The following NBAS variants were observed in gnomAD, a reference collection of about 807,000 sequenced individuals.
The protein encoded by NBAS is NAG/BC035112 fusion.
Under a neutral mutation model 302.5 loss-of-function variants are expected in NBAS, and 219 were observed. The ratio of observed to expected loss-of-function variants is 0.72; its 90% CI spans 0.65 to 0.81. NBAS has a LOEUF of 0.81. Among genes scored for constraint, NBAS ranks in the 30% least tolerant of loss-of-function variants. The pLI, the probability that NBAS is intolerant of heterozygous loss-of-function variation, is 0.00. For missense variants in NBAS, 2,932 were observed against 2,841.6 expected (o/e 1.03, Z -0.72); for synonymous variants, 1,118 against 1,021.6 (o/e 1.09, Z -1.80).
intron 42 of NBAS, among the ~76,000 whole-genome samples, chr2:15,280,376 G>C (rs778850887): frequency 1.7e-4 from 26 of 152,064 alleles, no homozygotes; most frequent in Non-Finnish European, 3.2e-4. Context: ...AGGTGAATGG[G>C]AGAAGGGAGA....
At chr2:14,782,112 A>G in the NBAS span, among the ~76,000 whole-genome samples, 1 of 152,080 alleles carries the variant, frequency 6.6e-6, no homozygotes, top group Non-Finnish European at 1.5e-5. Context: ...TTACCTTTCA[A>G]ACCCAGGTTA....
intron 26 of NBAS, among the ~76,000 whole-genome samples, chr2:15,401,370 AAAAAGG>A (rs1303858142): frequency 4.0e-5 from 6 of 151,784 alleles, no homozygotes; most frequent in African/African-American, 1.5e-4. Context: ...TCCTTAAAAG[AAAAAGG>A]AAAAGAGAGA....
chr2:15,189,548 C>T (rs1296522040), intron 49 of NBAS, among the ~76,000 whole-genome samples: 2 of 142,332 alleles, frequency 1.4e-5, no homozygotes, highest in African/African-American at 2.7e-5. Context: ...CAATGAGAAG[C>T]CACAGCTCAT....
the NBAS span, among the ~76,000 whole-genome samples, chr2:14,802,890 G>A: frequency 7.5e-3 from 712 of 94,962 alleles, 11 homozygotes; most frequent in African/African-American, 0.032. Context: ...GGACTGTGGT[G>A]GAGTGGGGGG....
At chr2:15,099,930 TG>T in the NBAS span, among the ~76,000 whole-genome samples, 2 of 152,168 alleles carry the variant, frequency 1.3e-5, no homozygotes, top group African/African-American at 4.8e-5. Flanking sequence ...AAAATTTCAG[TG>T]GGGAAATCTA....
At chr2:14,962,676 T>C in the NBAS span, among the ~76,000 whole-genome samples, 6 of 152,270 alleles carry the variant, frequency 3.9e-5, no homozygotes, top group South Asian at 1.2e-3. Flanking sequence ...AAGACACTAT[T>C]CAAAATACAG....
At chr2:14,907,621 A>G in the NBAS span, 1 of 152,268 alleles carries the variant, frequency 6.6e-6, no homozygotes, top group Non-Finnish European at 1.5e-5. Flanking sequence ...ACTTCTGGCA[A>G]CTTCTTCCCG....
the NBAS span, among the ~76,000 whole-genome samples, chr2:14,849,898 C>T: frequency 7.3e-5 from 10 of 137,304 alleles, 1 homozygote; most frequent in East Asian, 3.9e-4. Context: ...TTTGTCACCA[C>T]CAGGCCTGCC....
At chr2:15,035,304 C>T in the NBAS span, among the ~76,000 whole-genome samples, 2 of 152,080 alleles carry the variant, frequency 1.3e-5, no homozygotes, top group Non-Finnish European at 2.9e-5. Context: ...GTCAGAATGG[C>T]GATTGTTAAA....
intron 40 of NBAS, among the ~76,000 whole-genome samples, chr2:15,302,491 C>T (rs575488462): frequency 2.9e-4 from 44 of 152,158 alleles, no homozygotes; most frequent in African/African-American, 9.9e-4. Flanking sequence ...CTCTGAACAG[C>T]GGCTACCCTA....
the NBAS span, among the ~76,000 whole-genome samples, chr2:14,973,936 C>T: frequency 6.6e-6 from 1 of 152,282 alleles, no homozygotes; most frequent in South Asian, 2.1e-4. Flanking sequence ...ACCCCCTCTG[C>T]CTGAAATGCC....
At chr2:15,182,849 C>T (rs1210304110) in intron 50 of NBAS, among the ~76,000 whole-genome samples, 5 of 152,052 alleles carry the variant, frequency 3.3e-5, no homozygotes, top group Non-Finnish European at 7.3e-5. Flanking sequence ...AAGCAAGTCC[C>T]AGGAGCAACA....
chr2:15,457,342 C>T (rs1428433145), intron 21 of NBAS, among the ~76,000 whole-genome samples: 3 of 152,138 alleles, frequency 2.0e-5, no homozygotes, highest in African/African-American at 7.2e-5. Flanking sequence ...CAAAATGAAA[C>T]AGGCTGAGCC....
At chr2:15,060,666 G>C in the NBAS span, among the ~76,000 whole-genome samples, 1 of 151,960 alleles carries the variant, frequency 6.6e-6, no homozygotes, top group African/African-American at 2.4e-5. Flanking sequence ...GGGAAGAAGG[G>C]GAAACTGAGG....
chr2:15,085,278 G>A, the NBAS span, among the ~76,000 whole-genome samples: 2 of 152,018 alleles, frequency 1.3e-5, no homozygotes, highest in African/African-American at 4.8e-5. Flanking sequence ...GACCAGTGGT[G>A]CAGCCACTGG....
At chr2:15,297,876 CTGTGTGTGTGTGTA>C (rs1670623091) in intron 40 of NBAS, among the ~76,000 whole-genome samples, 1 of 151,490 alleles carries the variant, frequency 6.6e-6, no homozygotes, top group South Asian at 2.1e-4. Context: ...GTGTGTGTGT[CTGTGTGTGTGTGTA>C]AATATAAACA....
rs547182063 is a variant in NBAS, at chr2:15,439,220, G to A, written c.2340-11426C>T. Among the ~76,000 whole-genome samples the A allele has an allele frequency of 1.3e-3, 199 of 151,408 alleles. 2 individuals carry two copies. The highest frequency in any genetic ancestry group is 4.1e-3 in the African/African-American group (168 of 41,254). ...TGGGAGGCTGAGGCAGGAGAATGGC[G>A]TGAACCGGGAGGTGGGGCTTGCAGT... On this transcript the variant is annotated intron_variant, in intron 21 of 51. Transcript: ENST00000281513.
chr2:15,363,541 T>C (rs1296994400), intron 32 of NBAS, among the ~76,000 whole-genome samples: 1 of 152,178 alleles, frequency 6.6e-6, no homozygotes, highest in African/African-American at 2.4e-5. Flanking sequence ...AGAATATGAG[T>C]AAAGGATTTA....
the NBAS span, among the ~76,000 whole-genome samples, chr2:14,884,720 G>T: frequency 2.0e-5 from 3 of 152,138 alleles, no homozygotes; most frequent in African/African-American, 7.2e-5. Context: ...CATACAGTAC[G>T]AAAACAAATA....
Sources: gnomAD v4.1 joint callset for allele counts (sites outside exome capture counted in the v4.1 genomes callset) on GRCh38, gnomAD v4.1.1 for gene constraint, MANE v1.5 for transcripts, NCBI Gene and HGNC (gene_info 2026-07-23, HGNC 2026-07-21) for gene names.